GLIS3: variants seen among roughly 807,000 people sequenced by gnomAD.
GLIS3 encodes the protein GLIS family zinc finger 3, also known as zinc finger protein GLIS3.
In GLIS3, 53 loss-of-function variants were observed where a neutral mutation model predicts 78.6. The ratio of observed to expected loss-of-function variants is 0.67; its 90% CI spans 0.54 to 0.85. The LOEUF (loss-of-function observed/expected upper bound fraction) is 0.85, where lower values mean the gene tolerates loss of function less well. Among genes scored for constraint, GLIS3 ranks in the 40% least tolerant of loss-of-function variants. GLIS3 has a pLI of 0.00. For missense variants in GLIS3, 1,703 were observed against 1,231.1 expected (o/e 1.38, Z -5.74); for synonymous variants, 684 against 509.9 (o/e 1.34, Z -4.60).
intron 1 of GLIS3, among the ~76,000 whole-genome samples, chr9:4,286,953 G>T (rs1234410403): frequency 1.3e-5 from 2 of 152,206 alleles, no homozygotes; most frequent in Admixed American, 1.3e-4. Context: ...CCACAAAGCA[G>T]ACATGGCTTC....
At chr9:4,169,508 C>G (rs1289744672) in intron 2 of GLIS3, among the ~76,000 whole-genome samples, 1 of 152,114 alleles carries the variant, frequency 6.6e-6, no homozygotes, top group Non-Finnish European at 1.5e-5. Context: ...CGCTTGTGAT[C>G]CAGTATTTTC....
At chr9:4,117,192 T>A (rs1831718217) in intron 4 of GLIS3, among the ~76,000 whole-genome samples, 2 of 152,148 alleles carry the variant, frequency 1.3e-5, no homozygotes, top group Admixed American at 6.5e-5. Context: ...CTCCTGTGTA[T>A]CCCCTGGGTG....
chr9:4,124,943 A>C (rs1334864921), intron 3 of GLIS3, among the ~76,000 whole-genome samples: 1 of 152,222 alleles, frequency 6.6e-6, no homozygotes, highest in African/African-American at 2.4e-5. Context: ...TCAAACATAG[A>C]CACAGACCTT....
At chr9:3,839,118 T>C (rs1055015475) in intron 9 of GLIS3, among the ~76,000 whole-genome samples, 17 of 152,208 alleles carry the variant, frequency 1.1e-4, no homozygotes, top group Non-Finnish European at 2.1e-4. Context: ...ATTTTTGTCC[T>C]GTAAGCAGGT....
At chr9:4,466,537 T>C in the GLIS3 span, among the ~76,000 whole-genome samples, 9 of 152,334 alleles carry the variant, frequency 5.9e-5, no homozygotes, top group Admixed American at 2.0e-4. Flanking sequence ...ATAAAATTTT[T>C]TTAAATGTTA....
upstream of GLIS3, among the ~76,000 whole-genome samples, chr9:4,349,960 G>T (rs1817943618): frequency 1.3e-5 from 2 of 152,222 alleles, no homozygotes; most frequent in African/African-American, 4.8e-5. Flanking sequence ...GAGGCTGTGG[G>T]TGGGCAGCCC....
At chr9:4,229,249 T>C (rs1468224535) in intron 2 of GLIS3, among the ~76,000 whole-genome samples, 3 of 152,250 alleles carry the variant, frequency 2.0e-5, no homozygotes, top group African/African-American at 7.2e-5. Context: ...TTCGCTGAAA[T>C]CGCTTTCACT....
At chr9:3,994,846 C>CT (rs1178610027) in intron 4 of GLIS3, among the ~76,000 whole-genome samples, 1 of 152,122 alleles carries the variant, frequency 6.6e-6, no homozygotes, top group Non-Finnish European at 1.5e-5. Context: ...AAAAGAATCT[C>CT]TTTTTTAATG....
intron 2 of GLIS3, among the ~76,000 whole-genome samples, chr9:4,179,251 T>C (rs911220824): frequency 6.6e-6 from 1 of 152,216 alleles, no homozygotes; most frequent in East Asian, 1.9e-4. Context: ...CTATTAATAA[T>C]GAACAAGCCA....
intron 2 of GLIS3, among the ~76,000 whole-genome samples, chr9:4,219,829 G>A (rs776946196): frequency 2.6e-5 from 4 of 152,158 alleles, no homozygotes; most frequent in Admixed American, 6.5e-5. Flanking sequence ...CAGCTGCTAC[G>A]TATTTCCTAG....
At chr9:4,398,196 C>G in the GLIS3 span, among the ~76,000 whole-genome samples, 1 of 150,128 alleles carries the variant, frequency 6.7e-6, no homozygotes, top group Non-Finnish European at 1.5e-5. Context: ...CCAATGGAAT[C>G]CTCACAAAAT....
the GLIS3 span, among the ~76,000 whole-genome samples, chr9:4,435,761 A>G: frequency 1.8e-4 from 28 of 152,262 alleles, 1 homozygote; most frequent in African/African-American, 6.3e-4. Flanking sequence ...CATCCTGGCT[A>G]ATACAGTGAA....
chr9:4,319,582 T>G (rs1171822588), intron 2 of GLIS3, among the ~76,000 whole-genome samples: 1 of 152,120 alleles, frequency 6.6e-6, no homozygotes, highest in African/African-American at 2.4e-5. Context: ...AAGGCTGGAA[T>G]GCAGTGGCAT....
At chr9:4,285,326 C>G (rs1827894654) in intron 2 of GLIS3, among the ~76,000 whole-genome samples, 1 of 152,144 alleles carries the variant, frequency 6.6e-6, no homozygotes, top group Non-Finnish European at 1.5e-5. Flanking sequence ...TATTCACCAA[C>G]AATTATTCTT....
chr9:4,366,852 C>G, the GLIS3 span, among the ~76,000 whole-genome samples: 1 of 152,178 alleles, frequency 6.6e-6, no homozygotes, highest in Non-Finnish European at 1.5e-5. Flanking sequence ...CTGCCAATGC[C>G]ACCATGTTGT....
chr9:4,397,024 C>CTTTTTTTTTTTTTTTTTT, the GLIS3 span, among the ~76,000 whole-genome samples: 1 of 121,206 alleles, frequency 8.3e-6, no homozygotes, highest in Non-Finnish European at 1.8e-5. Context: ...TTCTTTTTTT[C>CTTTTTTTTTTTTTTTTTT]TTTTTTTTTT....
At chr9:4,358,621 G>A in the GLIS3 span, among the ~76,000 whole-genome samples, 1 of 152,152 alleles carries the variant, frequency 6.6e-6, no homozygotes, top group African/African-American at 2.4e-5. Flanking sequence ...TATTTAGATG[G>A]GAGTTTTGCA....
At chr9:4,094,888 C>T (rs1188105876) in intron 4 of GLIS3, among the ~76,000 whole-genome samples, 1 of 149,170 alleles carries the variant, frequency 6.7e-6, no homozygotes, top group Non-Finnish European at 1.5e-5. Flanking sequence ...TTTTTAATTG[C>T]TTAATTTTAT....
At chr9:4,363,763 T>C in the GLIS3 span, among the ~76,000 whole-genome samples, 1 of 152,186 alleles carries the variant, frequency 6.6e-6, no homozygotes, top group South Asian at 2.1e-4. Context: ...ATTTGTCTTG[T>C]CTGAAAATAC....
Sources: allele counts gnomAD v4.1 joint callset (sites outside exome capture counted in the v4.1 genomes callset), GRCh38; gene constraint gnomAD v4.1.1; transcripts MANE v1.5; gene names NCBI Gene and HGNC (gene_info 2026-07-23, HGNC 2026-07-21).